Variants in SZRD1 observed in about 807,000 individuals in gnomAD.
SZRD1 encodes the protein SUZ RNA-binding domain-containing.
A neutral mutation model predicts 17.6 loss-of-function variants in SZRD1; 7 were observed. The ratio of observed to expected loss-of-function variants is 0.40; its 90% CI spans 0.23 to 0.75. SZRD1 has a LOEUF of 0.75. SZRD1 is among the 30% of genes least tolerant of loss of function. The pLI is 0.38. For missense variants in SZRD1, 178 were observed against 201.8 expected, an observed-to-expected ratio of 0.88 and a Z score of 0.71; for synonymous variants, 77 against 77.9, an observed-to-expected ratio of 0.99 and a Z score of 0.06.
At chr1:16,390,128 C>T (rs1317821016) in intron 1 of SZRD1, among the ~76,000 whole-genome samples, 1 of 152,202 alleles carries the variant, frequency 6.6e-6, no homozygotes, top group Non-Finnish European at 1.5e-5. Flanking sequence ...CAGTTTCTTC[C>T]ATCTCCATTA....
At position 16,391,349 on chromosome 1, in the gene SZRD1, T is replaced by G; in HGVS notation, c.52-26T>G. ...TTTATTTGAGAGAGATTTTTTCCTC[T>G]TTTTATATACATTTTTTTCCTCTAG... is the stretch of plus-strand genomic sequence containing the variant. On this transcript the variant is annotated intron_variant, in intron 1 of 3. Coordinates refer to ENST00000401088, the MANE Select transcript of SZRD1 (RefSeq NM_001114600.3). The surrounding 1 kb of genome is among the most constrained non-coding windows in gnomAD (Gnocchi z 4.3). The G allele has an allele frequency of 2.0e-6, 3 of 1,509,802 alleles. No individual in the cohort carries two copies. Among genetic ancestry groups the G allele is most frequent in the Non-Finnish European group, 2.7e-6 (3 of 1,112,658 alleles). The allele number at this position is 1,509,802 out of a possible 1,614,324, so 93.5% of individuals were successfully genotyped here.
intron 1 of SZRD1, among the ~76,000 whole-genome samples, chr1:16,389,736 C>T (rs1279794386): frequency 5.3e-5 from 8 of 152,192 alleles, no homozygotes; most frequent in Non-Finnish European, 1.0e-4. Context: ...TGAGCCACCG[C>T]GCTGGGCTGA....
intron 2 of SZRD1, among the ~76,000 whole-genome samples, chr1:16,392,821 A>C (rs980277991): frequency 1.3e-5 from 2 of 151,998 alleles, no homozygotes; most frequent in African/African-American, 4.8e-5. Flanking sequence ...AAAGGCTCCC[A>C]CCCCACCAGC....
chr1:16,367,442 C>T (rs1466489535), intron 1 of SZRD1, 134 bp downstream of exon 1: 9 of 803,630 alleles, frequency 1.1e-5, no homozygotes, highest in South Asian at 1.8e-5. Flanking sequence ...TGGAGAGGCC[C>T]CCAGTTCCTG....
intron 1 of SZRD1, among the ~76,000 whole-genome samples, chr1:16,389,279 G>A (rs148439586): frequency 4.3e-5 from 6 of 139,556 alleles, no homozygotes; most frequent in South Asian, 2.3e-4. Flanking sequence ...GGGGGGGTGG[G>A]GGGGGGGCAG....
intron 1 of SZRD1, among the ~76,000 whole-genome samples, chr1:16,378,912 AGAG>A (rs1203729950): frequency 6.8e-6 from 1 of 146,814 alleles, no homozygotes; most frequent in Non-Finnish European, 1.5e-5. Context: ...TTTTTGGTGG[AGAG>A]GAGGTTTTGC....
chr1:16,374,793 T>C (rs2082971677), intron 1 of SZRD1, among the ~76,000 whole-genome samples: 2 of 152,246 alleles, frequency 1.3e-5, no homozygotes, highest in African/African-American at 4.8e-5. Flanking sequence ...TGAGTTTAGC[T>C]ACTTAAATCT....
chr1:16,395,397 GT>G lies in SZRD1; in HGVS notation c.*259del. 2.1e-6 allele frequency: 1 copy of G among 487,168 alleles called. No homozygotes were observed. Among genetic ancestry groups the G allele is most frequent in the Admixed American group, 3.4e-5 (1 of 29,234 alleles). 30.2% of individuals were successfully genotyped at this position (487,168 alleles called of 1,614,324 possible). A position where few individuals can be genotyped will look rare whatever the true frequency, so the allele number is the denominator to read the frequency against. On this transcript the variant is annotated 3_prime_UTR_variant, in exon 4 of 4. Transcript: ENST00000401088. ...GTCAATGGAAAGGGAAAGGGTGGGG[GT>G]TAGGGGAAGGTTGGGGGGACCCAGC...
intron 1 of SZRD1, among the ~76,000 whole-genome samples, chr1:16,370,552 T>G (rs1018049469): frequency 6.6e-6 from 1 of 151,280 alleles, no homozygotes; most frequent in African/African-American, 2.4e-5. Context: ...TTTTTTTTAT[T>G]TTTTGAGATG....
At chr1:16,394,624 C>T (rs898979388) in intron 3 of SZRD1, among the ~76,000 whole-genome samples, 4 of 152,138 alleles carry the variant, frequency 2.6e-5, no homozygotes, top group Non-Finnish European at 5.9e-5. Context: ...AGCAGGCTTG[C>T]GGAGCCAGAG....
At chr1:16,388,042 C>T (rs544403114) in intron 1 of SZRD1, among the ~76,000 whole-genome samples, 16 of 152,226 alleles carry the variant, frequency 1.1e-4, no homozygotes, top group Non-Finnish European at 1.8e-4. Flanking sequence ...CAAGCTGGAG[C>T]GAGAGGTTTC....
chr1:16,385,630 C>T (rs1410504522), intron 1 of SZRD1, among the ~76,000 whole-genome samples: 2 of 152,180 alleles, frequency 1.3e-5, no homozygotes, highest in African/African-American at 2.4e-5. Flanking sequence ...TATCTTTTGT[C>T]ACCTTTGTTC....
intron 1 of SZRD1, among the ~76,000 whole-genome samples, chr1:16,381,008 A>T (rs1251622274): frequency 6.6e-6 from 1 of 150,674 alleles, no homozygotes; most frequent in African/African-American, 2.4e-5. Context: ...GCTTGAGTCC[A>T]GGAAATCAAG....
At chr1:16,370,416 G>A (rs919843544) in intron 1 of SZRD1, among the ~76,000 whole-genome samples, 6 of 151,738 alleles carry the variant, frequency 4.0e-5, no homozygotes, top group East Asian at 1.9e-4. Flanking sequence ...TAGTAGAGAC[G>A]GGGTTTCACC....
At position 16,393,954 on chromosome 1, in the gene SZRD1, A is replaced by G. The variant is rs963329477; in HGVS notation, c.356+472A>G. ...GCTGGCAGAGTGGAAAGTACCCCAG[A>G]TAAGTGCTTTGATGATATTTTCTGG... On this transcript the variant is annotated intron_variant, in intron 3 of 3. Coordinates refer to ENST00000401088, the MANE Select transcript of SZRD1 (RefSeq NM_001114600.3). This position sits in a 1 kb window ranked among gnomAD's most constrained non-coding sequence, Gnocchi z 5.6. Among the ~76,000 whole-genome samples, 2 of 152,220 alleles carry G rather than the reference A, an allele frequency of 1.3e-5. No homozygotes were observed. The highest frequency in any genetic ancestry group is 4.8e-5 in the African/African-American group (2 of 41,456).
intron 1 of SZRD1, among the ~76,000 whole-genome samples, chr1:16,368,186 T>C (rs1331066388): frequency 1.3e-5 from 2 of 152,168 alleles, no homozygotes; most frequent in African/African-American, 4.8e-5. Context: ...TCAGAGTTTG[T>C]CTGTGGTGAC....
At chr1:16,372,463 ACT>A (rs2082930602) in intron 1 of SZRD1, among the ~76,000 whole-genome samples, 1 of 152,072 alleles carries the variant, frequency 6.6e-6, no homozygotes, top group Non-Finnish European at 1.5e-5. Flanking sequence ...ACAGAGTGAG[ACT>A]CTGTCTCAAA....
intron 1 of SZRD1, among the ~76,000 whole-genome samples, chr1:16,371,500 C>T (rs193133535): frequency 9.6e-5 from 13 of 135,952 alleles, no homozygotes; most frequent in African/African-American, 2.8e-4. Context: ...CTTGCTCTGT[C>T]GCCCAGGCTG....
Position 16,395,037 on chromosome 1 carries a change from G to C in SZRD1, c.357-1G>C, listed in dbSNP as rs1235242224. ...CCTTCCTCTGCTTTTCTTCCTTTCA[G>C]GCCAACCAGGATCTCCCAACCCGAA... On this transcript the variant is annotated splice_acceptor_variant, in intron 3 of 3. Transcript: ENST00000401088. LOFTEE classifies it high-confidence loss of function. 1.9e-6 allele frequency: 3 copies of C among 1,599,810 alleles called. No homozygotes were observed. The highest frequency in any genetic ancestry group is 2.2e-5 in the East Asian group (1 of 44,760).
Sources: gnomAD v4.1 joint callset for allele counts (sites outside exome capture counted in the v4.1 genomes callset) on GRCh38, gnomAD v4.1.1 for gene constraint, Gnocchi (gnomAD v3.1) non-coding constraint, MANE v1.5 for transcripts, NCBI Gene and HGNC (gene_info 2026-07-23, HGNC 2026-07-21) for gene names.